Variants in PKNOX2 observed in about 807,000 individuals in gnomAD.
PKNOX2 encodes homeobox protein PKNOX2.
A neutral mutation model predicts 53.1 loss-of-function variants in PKNOX2; 14 were observed. The ratio of observed to expected loss-of-function variants is 0.26; its 90% confidence interval spans 0.17 to 0.41. The LOEUF is 0.41. PKNOX2 is among the 10% of genes least tolerant of loss of function. PKNOX2 has a pLI of 1.00. For synonymous variants in PKNOX2, 257 were observed against 242.8 expected, an observed-to-expected ratio of 1.06 and a Z score of -0.54; for missense variants, 496 against 602.8, an observed-to-expected ratio of 0.82 and a Z score of 1.85.
chr11:125,373,051 G>T (rs887383440), intron 5 of PKNOX2, among the ~76,000 whole-genome samples: 3 of 152,202 alleles, frequency 2.0e-5, no homozygotes, highest in Non-Finnish European at 4.4e-5. Context: ...TAAAGGTCAC[G>T]GAAGTTCCCG....
chr11:125,367,174 T>C (rs762615483), intron 4 of PKNOX2, among the ~76,000 whole-genome samples: 29 of 152,202 alleles, frequency 1.9e-4, no homozygotes, highest in Non-Finnish European at 3.5e-4. Context: ...TAATAGATAA[T>C]ATTAAAAGGA....
At chr11:125,287,541 C>T (rs1447228722) in intron 2 of PKNOX2, among the ~76,000 whole-genome samples, 7 of 152,196 alleles carry the variant, frequency 4.6e-5, no homozygotes, top group Admixed American at 3.9e-4. Flanking sequence ...TCACCATTTC[C>T]TCTTCCGTCT....
At chr11:125,190,136 G>T (rs1315495591) in intron 1 of PKNOX2, 1 of 152,156 alleles carries the variant, frequency 6.6e-6, no homozygotes, top group Non-Finnish European at 1.5e-5. Context: ...GTGTTGGCCA[G>T]GATGGTCTCG....
intron 10 of PKNOX2, among the ~76,000 whole-genome samples, chr11:125,419,699 A>G (rs1956071549): frequency 6.6e-6 from 1 of 151,828 alleles, no homozygotes; most frequent in South Asian, 2.1e-4. Flanking sequence ...AGTACGAATT[A>G]GTTCAAAAGC....
intron 2 of PKNOX2, among the ~76,000 whole-genome samples, chr11:125,247,080 T>G (rs1239810202): frequency 1.3e-5 from 2 of 152,216 alleles, no homozygotes; most frequent in Non-Finnish European, 2.9e-5. Context: ...AGGGTTAGCC[T>G]GAAAACGACC....
At chr11:125,368,124 T>C in intron 5 of PKNOX2, 139 bp downstream of exon 5, 1 of 1,080,202 alleles carries the variant, frequency 9.3e-7, no homozygotes, top group East Asian at 3.0e-5. Flanking sequence ...CCTCCTTCCC[T>C]CTCTACTCAA....
chr11:125,314,305 G>C (rs566831539), intron 2 of PKNOX2, among the ~76,000 whole-genome samples: 1 of 152,126 alleles, frequency 6.6e-6, no homozygotes, highest in South Asian at 2.1e-4. Flanking sequence ...TCACTTGCTC[G>C]CAACGTCACC....
At chr11:125,254,866 G>A (rs1944294501) in intron 2 of PKNOX2, among the ~76,000 whole-genome samples, 1 of 152,170 alleles carries the variant, frequency 6.6e-6, no homozygotes, top group South Asian at 2.1e-4. Flanking sequence ...GATGGCAAGT[G>A]GCCTGCACAG....
chr11:125,259,385 A>G (rs1174262701), intron 2 of PKNOX2, among the ~76,000 whole-genome samples: 1 of 152,034 alleles, frequency 6.6e-6, no homozygotes, highest in Non-Finnish European at 1.5e-5. Context: ...AACTTTTTTT[A>G]TTCTGTAATA....
At chr11:125,226,250 G>A (rs1008155438) in intron 1 of PKNOX2, among the ~76,000 whole-genome samples, 2 of 152,148 alleles carry the variant, frequency 1.3e-5, no homozygotes, top group Admixed American at 6.5e-5. Context: ...GGAATTTTAG[G>A]ACTTTATGGC....
intron 2 of PKNOX2, among the ~76,000 whole-genome samples, chr11:125,256,088 G>A (rs553228912): frequency 6.6e-6 from 1 of 152,194 alleles, no homozygotes; most frequent in Non-Finnish European, 1.5e-5. Context: ...CTGCTGGGAA[G>A]ACGGTGGGGA....
At chr11:125,254,091 T>C (rs935158587) in intron 2 of PKNOX2, among the ~76,000 whole-genome samples, 2 of 152,010 alleles carry the variant, frequency 1.3e-5, no homozygotes, top group East Asian at 1.9e-4. Flanking sequence ...AACAAACAAA[T>C]GGAGATGCGA....
rs368147933 is a variant in PKNOX2, at chr11:125,385,748, G to A, written c.399+26G>A. 3.7e-6 allele frequency: 6 copies of A among 1,605,250 alleles called. No homozygotes were observed. In the African/African-American group the frequency reaches 6.7e-5, roughly 18 times the overall value. On this transcript the variant is annotated intron_variant, in intron 6 of 12. Coordinates refer to ENST00000298282, the MANE Select transcript of PKNOX2 (RefSeq NM_001382323.2). ...GTAAAGACCCTCCACCCTCTACCCT[G>A]GCTAGAGTCTTCCTACCCTCTGACC...
In PKNOX2 at chr11:125,328,385, G is replaced by C. The variant is rs1375247405; in HGVS notation, c.-129-3434G>C. 1.1e-3 allele frequency among the ~76,000 whole-genome samples: 150 copies of C among 136,536 alleles called. 1 individual carries two copies. The highest frequency in any genetic ancestry group is 4.2e-3 in the African/African-American group (142 of 33,568). The allele number at this position is 136,536 out of a possible 152,430, so 89.6% of individuals were successfully genotyped here. On this transcript the variant is annotated intron_variant, in intron 2 of 12. Coordinates refer to ENST00000298282, the MANE Select transcript of PKNOX2 (RefSeq NM_001382323.2). ...AGTGAGAGAGAGAGAGAGAGTGAGT[G>C]AGAGAGAAAGAGAGACAGAGACAGA... is the stretch of plus-strand genomic sequence containing the variant.
chr11:125,406,311 G>A (rs1179224841), intron 7 of PKNOX2, among the ~76,000 whole-genome samples: 3 of 152,292 alleles, frequency 2.0e-5, no homozygotes, highest in Non-Finnish European at 4.4e-5. Context: ...GTGGAGTTGT[G>A]GGGCTAGTCA....
chr11:125,392,880 C>T lies in PKNOX2; in HGVS notation c.400-4994C>T, dbSNP rs374381000. On this transcript the variant is annotated intron_variant, in intron 6 of 12. Transcript: ENST00000298282. ...TTGTCTAGAAAAGAGAAAGTTTGGC[C>T]GGGCGCGGTGGCTCACGCCTGTAAT... Among the ~76,000 whole-genome samples the T allele has an allele frequency of 2.9e-4, 44 of 152,018 alleles. 1 individual carries two copies. In the East Asian group the frequency reaches 8.1e-3, roughly 28 times the overall value.
rs538641930 is a variant in PKNOX2 at position 125,349,554 on chromosome 11, C to T, written c.-22-1730C>T. On this transcript the variant is annotated intron_variant, in intron 3 of 12. Coordinates refer to ENST00000298282, the MANE Select transcript of PKNOX2 (RefSeq NM_001382323.2). ...GGCCTGAAGTCGGCATTTTTAGCAC[C>T]GGGGGAGCCATCCCTCCCTGTGCAT... Among the ~76,000 whole-genome samples, 52 of 152,198 alleles carry T rather than the reference C, an allele frequency of 3.4e-4. 3 individuals are homozygous for T. In the South Asian group the frequency reaches 8.3e-3, roughly 24 times the overall value.
chr11:125,186,577 A>G (rs1956459876), intron 1 of PKNOX2, among the ~76,000 whole-genome samples: 1 of 152,222 alleles, frequency 6.6e-6, no homozygotes, highest in East Asian at 1.9e-4. Context: ...GATTGAGCCC[A>G]GGAGTTTATG....
chr11:125,330,728 A>G (rs951490009), intron 2 of PKNOX2, among the ~76,000 whole-genome samples: 12 of 152,058 alleles, frequency 7.9e-5, no homozygotes, highest in Admixed American at 2.6e-4. Context: ...ACCAGAAGGG[A>G]GGTGAGAAAG....
Sources: allele counts gnomAD v4.1 joint callset (sites outside exome capture counted in the v4.1 genomes callset), GRCh38; gene constraint gnomAD v4.1.1; transcripts MANE v1.5; gene names NCBI Gene and HGNC (gene_info 2026-07-23, HGNC 2026-07-21).